VWA3B: variants seen among roughly 807,000 people sequenced by gnomAD.
The protein encoded by VWA3B is von Willebrand factor A domain-containing protein 3B.
A neutral mutation model predicts 158.3 loss-of-function variants in VWA3B; 138 were observed. That is an observed-to-expected ratio of 0.87 (90% CI 0.76 to 1.00). VWA3B has a LOEUF of 1.00. Among genes scored for constraint, VWA3B ranks in the 50% least tolerant of loss-of-function variants. The probability of loss-of-function intolerance (pLI) is 0.00; values close to 1 mark genes in which losing one functional copy is unlikely to be tolerated. For synonymous variants in VWA3B, 596 were observed against 587.3 expected (o/e 1.01, Z -0.21); for missense variants, 1,555 against 1,565.1 (o/e 0.99, Z 0.11).
intron 2 of VWA3B, among the ~76,000 whole-genome samples, chr2:98,104,967 T>A (rs1172369957): frequency 6.6e-6 from 1 of 152,176 alleles, no homozygotes; most frequent in Non-Finnish European, 1.5e-5. Flanking sequence ...TATTTTTACA[T>A]ACATTATAAA....
chr2:98,168,693 T>C (rs1293930021), intron 8 of VWA3B, among the ~76,000 whole-genome samples: 2 of 152,042 alleles, frequency 1.3e-5, no homozygotes, highest in African/African-American at 4.8e-5. Flanking sequence ...ATATGTTAGC[T>C]GGAAAGCTTA....
chr2:98,188,167 C>T (rs1258208023), intron 10 of VWA3B, 38 bp downstream of exon 10: 12 of 1,589,202 alleles, frequency 7.6e-6, no homozygotes, highest in South Asian at 1.1e-5. Flanking sequence ...GTGGTCTCCT[C>T]GCTCTGGACA....
Position 98,250,326 on chromosome 2 carries a change from T to A in VWA3B, c.2682T>A (p.Pro894=). 1 of 1,611,618 alleles carries A rather than the reference T, an allele frequency of 6.2e-7. No homozygotes were observed. Among genetic ancestry groups the A allele is most frequent in the Non-Finnish European group, 8.5e-7 (1 of 1,179,250 alleles). The change falls in exon 20 of 28, where the codon CCT becomes CCA. Residue 894 remains proline, a synonymous_variant. Coordinates refer to ENST00000477737, the MANE Select transcript of VWA3B (RefSeq NM_144992.5). ...VVSKVFDEVF[P]LAHVCNDTNK... ...TTGCCATTGACATGCAGGTGTTCCC[T>A]CTGGCACATGTGTGCAACGACACAA...
chr2:98,296,665 G>A (rs1186833779), intron 23 of VWA3B, among the ~76,000 whole-genome samples: 1 of 152,176 alleles, frequency 6.6e-6, no homozygotes, highest in Non-Finnish European at 1.5e-5. Context: ...ATGCCGTGGA[G>A]CCCAGCGGGA....
chr2:98,120,856 A>G (rs1445181958), intron 4 of VWA3B, among the ~76,000 whole-genome samples: 3 of 152,234 alleles, frequency 2.0e-5, no homozygotes, highest in Admixed American at 2.0e-4. Flanking sequence ...CTTTCAGGAC[A>G]ATGAAAACAA....
At chr2:98,285,427 T>G (rs573254826) in intron 22 of VWA3B, among the ~76,000 whole-genome samples, 117 of 152,218 alleles carry the variant, frequency 7.7e-4, no homozygotes, top group African/African-American at 2.8e-3. Context: ...TAGTTATAAA[T>G]TTTCATTTCT....
chr2:98,290,843 A>G, intron 23 of VWA3B: 2 of 448,090 alleles, frequency 4.5e-6, no homozygotes, highest in Non-Finnish European at 8.0e-6. Context: ...ACTTATTTTA[A>G]TTTCTCATTT....
chr2:98,313,929 C>G (rs1427696799), downstream of VWA3B, among the ~76,000 whole-genome samples: 1 of 152,216 alleles, frequency 6.6e-6, no homozygotes, highest in Non-Finnish European at 1.5e-5. Flanking sequence ...CAACGGTGAA[C>G]TTCCACCTCC....
intron 24 of VWA3B, 130 bp from the exon 25 acceptor site, chr2:98,299,949 A>G: frequency 8.1e-7 from 1 of 1,234,238 alleles, no homozygotes; most frequent in South Asian, 1.4e-5. Context: ...CTTAACTGAG[A>G]AAAAAAATAT....
At chr2:98,250,742 T>G (rs572377130) in intron 20 of VWA3B, among the ~76,000 whole-genome samples, 2 of 151,952 alleles carry the variant, frequency 1.3e-5, no homozygotes, top group Non-Finnish European at 2.9e-5. Context: ...TATTGTACAT[T>G]TAAAAATAAT....
chr2:98,186,131 A>T (rs1324525993), intron 9 of VWA3B, among the ~76,000 whole-genome samples: 1 of 148,050 alleles, frequency 6.8e-6, no homozygotes. Flanking sequence ...ACCTTTAGTA[A>T]GTTGATCTAG....
intron 26 of VWA3B, among the ~76,000 whole-genome samples, chr2:98,311,422 G>C (rs979770876): frequency 4.6e-5 from 7 of 152,186 alleles, no homozygotes; most frequent in African/African-American, 1.7e-4. Flanking sequence ...CACAGGGTGT[G>C]AAAGAATATC....
intron 22 of VWA3B, among the ~76,000 whole-genome samples, chr2:98,275,016 C>T (rs1558751778): frequency 6.6e-6 from 1 of 152,220 alleles, no homozygotes; most frequent in Non-Finnish European, 1.5e-5. Context: ...TATCCCATCA[C>T]ATGTCATCCT....
chr2:98,246,659 A>G (rs114629545), intron 19 of VWA3B, among the ~76,000 whole-genome samples: 5,920 of 152,024 alleles, frequency 0.039, 171 homozygotes, highest in Middle Eastern at 0.075. Flanking sequence ...TGGGATTACA[A>G]GGGTGAGCCA....
chr2:98,321,634 C>A, the VWA3B span, among the ~76,000 whole-genome samples: 1 of 152,178 alleles, frequency 6.6e-6, no homozygotes, highest in Non-Finnish European at 1.5e-5. Flanking sequence ...TGGCCAATTT[C>A]TCTCATTTGG....
At chr2:98,174,805 G>T (rs1417386375) in intron 8 of VWA3B, among the ~76,000 whole-genome samples, 1 of 152,182 alleles carries the variant, frequency 6.6e-6, no homozygotes, top group African/African-American at 2.4e-5. Flanking sequence ...CAAGCAGGAA[G>T]TAAAGGCTGA....
chr2:98,261,392 CGCATTT>C (rs1453295775), intron 21 of VWA3B, among the ~76,000 whole-genome samples: 33 of 151,794 alleles, frequency 2.2e-4, no homozygotes, highest in South Asian at 1.2e-3. Flanking sequence ...TATTATTTTA[CGCATTT>C]GCCTCTTAAA....
intron 27 of VWA3B, 38 bp downstream of exon 27, chr2:98,312,070 TCAGGAACACCC>T (rs759112786): frequency 1.2e-5 from 19 of 1,596,282 alleles, no homozygotes; most frequent in Non-Finnish European, 1.5e-5. Flanking sequence ...ATCGCTTATC[TCAGGAACACCC>T]TGAAATCCCT....
intron 12 of VWA3B, among the ~76,000 whole-genome samples, chr2:98,198,121 A>G (rs1042021450): frequency 1.1e-4 from 17 of 152,154 alleles, no homozygotes; most frequent in African/African-American, 4.1e-4. Context: ...TATATTAAAT[A>G]AGCAAACAAA....
Sources: gnomAD v4.1 joint callset for allele counts (sites outside exome capture counted in the v4.1 genomes callset) on GRCh38, gnomAD v4.1.1 for gene constraint, MANE v1.5 for transcripts, NCBI Gene and HGNC (gene_info 2026-07-23, HGNC 2026-07-21) for gene names.